Variants in WWP1 observed in about 807,000 individuals in gnomAD.
WWP1 encodes the protein WW domain containing E3 ubiquitin protein ligase 1.
A neutral mutation model predicts 130.6 loss-of-function variants in WWP1; 49 were observed. The observed-to-expected ratio is 0.38, with a 90% CI of 0.30 to 0.48. The LOEUF is 0.48. Among genes scored for constraint, WWP1 ranks in the 20% least tolerant of loss-of-function variants. The probability of loss-of-function intolerance (pLI) is 0.99; values close to 1 mark genes in which losing one functional copy is unlikely to be tolerated. For synonymous variants in WWP1, 332 were observed against 367.8 expected (o/e 0.90, Z 1.11); for missense variants, 809 against 1,100.6 (o/e 0.74, Z 3.75).
At chr8:86,440,644 C>T (rs1406295140) in intron 17 of WWP1, 4 of 451,344 alleles carry the variant, frequency 8.9e-6, no homozygotes, top group Middle Eastern at 3.5e-4. Context: ...TAAGATCTTC[C>T]TTAATGTCAG....
rs141080069 is a variant in WWP1 at position 86,411,772 on chromosome 8, G to A, written c.959G>A (p.Ser320Asn). The A allele has an allele frequency of 1.3e-4, 212 of 1,614,072 alleles. No homozygotes were observed. The highest frequency in any genetic ancestry group is 5.7e-4 in the Admixed American group (34 of 60,000). ...GAGCCTGACACCTCTAATTCTAGAA[G>A]TAGTTCTGCTTTTGAAGCAGCCAAA... ...ILEPDTSNSR[S>N]SSAFEAAKSR... Residue 320 changes from serine to asparagine, a missense_variant, in exon 9 of 25, where the codon AGT becomes AAT. Ser to Asn is a conservative substitution (Grantham distance 46, BLOSUM62 1). Transcript: ENST00000517970.
chr8:86,372,017 A>ATTTTTTTT (rs34458424), intron 2 of WWP1, among the ~76,000 whole-genome samples: 92 of 70,170 alleles, frequency 1.3e-3, no homozygotes, highest in East Asian at 2.1e-3. Flanking sequence ...TAATTTTTGT[A>ATTTTTTTT]TTTTTTTTTT....
chr8:86,389,899 G>A (rs1419433930), intron 5 of WWP1, among the ~76,000 whole-genome samples: 11 of 151,934 alleles, frequency 7.2e-5, no homozygotes, highest in Non-Finnish European at 5.9e-5. Flanking sequence ...CCTCCTGGAC[G>A]GGGCGGCTGC....
At chr8:86,364,648 A>G (rs916548437) in intron 1 of WWP1, among the ~76,000 whole-genome samples, 3 of 152,148 alleles carry the variant, frequency 2.0e-5, no homozygotes, top group African/African-American at 7.2e-5. Flanking sequence ...CAAAAAACAA[A>G]CAAAGAAATT....
At chr8:86,438,758 T>C in intron 17 of WWP1, 85 bp downstream of exon 17, 1 of 1,145,270 alleles carries the variant, frequency 8.7e-7, no homozygotes, top group African/African-American at 1.6e-5. Flanking sequence ...TATGTGAATA[T>C]ATTGTATTAA....
chr8:86,367,212 T>C (rs1202984347), intron 1 of WWP1, among the ~76,000 whole-genome samples: 1 of 152,232 alleles, frequency 6.6e-6, no homozygotes, highest in African/African-American at 2.4e-5. Context: ...GCCAGGACTT[T>C]GTCTTCTACC....
intron 9 of WWP1, among the ~76,000 whole-genome samples, 198 bp downstream of exon 9, chr8:86,412,072 A>G (rs1169232208): frequency 6.6e-6 from 1 of 152,222 alleles, no homozygotes; most frequent in Non-Finnish European, 1.5e-5. Flanking sequence ...TGGTTGACAT[A>G]TATGTAGTAC....
chr8:86,389,148 T>C (rs1386425184), intron 5 of WWP1, among the ~76,000 whole-genome samples: 1 of 152,006 alleles, frequency 6.6e-6, no homozygotes, highest in Non-Finnish European at 1.5e-5. Context: ...ATAAAGAATA[T>C]GTGGTTTCTT....
intron 9 of WWP1, among the ~76,000 whole-genome samples, chr8:86,413,947 G>A (rs1808728008): frequency 6.6e-6 from 1 of 152,090 alleles, no homozygotes; most frequent in South Asian, 2.1e-4. Context: ...ATAAATGAGG[G>A]AAGCCGGCAT....
intron 17 of WWP1, among the ~76,000 whole-genome samples, chr8:86,441,322 C>T (rs937765284): frequency 6.6e-6 from 1 of 152,200 alleles, no homozygotes; most frequent in African/African-American, 2.4e-5. Flanking sequence ...TACAACTGGA[C>T]TTAGTTTTAA....
intron 5 of WWP1, among the ~76,000 whole-genome samples, chr8:86,394,726 A>G (rs1485149573): frequency 3.3e-5 from 5 of 152,136 alleles, no homozygotes; most frequent in African/African-American, 1.2e-4. Flanking sequence ...TGACACACAC[A>G]TATACAAACA....
intron 24 of WWP1, among the ~76,000 whole-genome samples, chr8:86,464,563 T>TA (rs1433285595): frequency 6.6e-6 from 1 of 152,204 alleles, no homozygotes; most frequent in African/African-American, 2.4e-5. Context: ...TTACCTATGT[T>TA]AGAGTGCAGT....
intron 9 of WWP1, among the ~76,000 whole-genome samples, chr8:86,421,249 AT>A (rs33963940): frequency 0.15 from 22,351 of 152,106 alleles, 1,787 homozygotes; most frequent in Non-Finnish European, 0.19. Flanking sequence ...AAGTTTAATA[AT>A]TTTTGTGATC....
intron 1 of WWP1, among the ~76,000 whole-genome samples, chr8:86,364,833 A>AGAGAGAG (rs1563468191): frequency 2.6e-4 from 30 of 113,820 alleles, no homozygotes; most frequent in African/African-American, 6.3e-4. Context: ...GAAAGAAAGA[A>AGAGAGAG]AGAGAGAGAG....
At chr8:86,424,647 A>G (rs929895950) in intron 9 of WWP1, among the ~76,000 whole-genome samples, 1 of 151,870 alleles carries the variant, frequency 6.6e-6, no homozygotes, top group Non-Finnish European at 1.5e-5. Flanking sequence ...CACCAAAAAA[A>G]TACGAAAACC....
chr8:86,386,677 T>A (rs1825306439), intron 5 of WWP1, among the ~76,000 whole-genome samples: 1 of 152,182 alleles, frequency 6.6e-6, no homozygotes, highest in South Asian at 2.1e-4. Context: ...AATGAAAATA[T>A]AAACTAGTTG....
At chr8:86,444,610 A>G (rs567451666) in intron 18 of WWP1, among the ~76,000 whole-genome samples, 1 of 152,326 alleles carries the variant, frequency 6.6e-6, no homozygotes, top group East Asian at 1.9e-4. Flanking sequence ...TGTTTCAAGA[A>G]GGAAGACATG....
chr8:86,436,937 C>T (rs1452037247), intron 16 of WWP1, among the ~76,000 whole-genome samples: 1 of 148,894 alleles, frequency 6.7e-6, no homozygotes, highest in Non-Finnish European at 1.5e-5. Flanking sequence ...GATACTTAAA[C>T]TATTATCAAG....
At chr8:86,386,754 A>G (rs536226652) in intron 5 of WWP1, 3 of 152,322 alleles carry the variant, frequency 2.0e-5, no homozygotes, top group Admixed American at 6.5e-5. Context: ...TTCCGTAGAT[A>G]CTGTCTTACT....
Sources: allele counts gnomAD v4.1 joint callset (sites outside exome capture counted in the v4.1 genomes callset), GRCh38; gene constraint gnomAD v4.1.1; transcripts MANE v1.5; gene names NCBI Gene and HGNC (gene_info 2026-07-23, HGNC 2026-07-21).